Variants in CPN1 observed in about 807,000 individuals in gnomAD.
CPN1 encodes the protein carboxypeptidase N subunit 1.
CPN1 carries 37 observed loss-of-function variants against 46.4 expected under a neutral mutation model. The ratio of observed to expected loss-of-function variants is 0.80; its 90% CI spans 0.61 to 1.05. CPN1 has a LOEUF of 1.05. Ranked by LOEUF, CPN1 falls within the 50% of genes least tolerant of loss-of-function variation. The pLI, the probability that CPN1 is intolerant of heterozygous loss-of-function variation, is 0.00. For missense variants in CPN1, 563 were observed against 602.6 expected (o/e 0.93, Z 0.69); for synonymous variants, 224 against 235.4 (o/e 0.95, Z 0.44).
At chr10:100,061,792 G>A (rs145114414) in intron 5 of CPN1, among the ~76,000 whole-genome samples, 1 of 152,218 alleles carries the variant, frequency 6.6e-6, no homozygotes, top group African/African-American at 2.4e-5. Flanking sequence ...CTTTCCTAAT[G>A]CAAACTAAAG....
intron 8 of CPN1, among the ~76,000 whole-genome samples, chr10:100,043,033 G>A (rs2133421568): frequency 6.7e-6 from 1 of 149,948 alleles, no homozygotes; most frequent in East Asian, 2.0e-4. Context: ...GGTGGAGGCT[G>A]CAGTGAGCTG....
At chr10:100,078,492 GC>G (rs1216271911) in intron 1 of CPN1, among the ~76,000 whole-genome samples, 1 of 152,154 alleles carries the variant, frequency 6.6e-6, no homozygotes. Flanking sequence ...CAGCTGCCTA[GC>G]CCCTTTAAAG....
Position 100,054,456 on chromosome 10 carries a change from C to CAAGT in CPN1, c.1012-14_1012-11dup. The stretch of plus-strand genomic sequence containing the variant: ...TGATGCCCTGGTGAACCTGCAGGAA[C>CAAGT]AAGTATATAGTTATGATCATAAAAC... On this transcript the variant is annotated splice_polypyrimidine_tract_variant and intron_variant, in intron 6 of 8. Transcript: ENST00000370418. 1 of 1,599,696 alleles carries CAAGT rather than the reference C, an allele frequency of 6.3e-7. No homozygotes were observed. Among genetic ancestry groups the CAAGT allele is most frequent in the South Asian group, 1.1e-5 (1 of 90,792 alleles).
intron 1 of CPN1, among the ~76,000 whole-genome samples, chr10:100,080,686 A>G (rs559346038): frequency 2.0e-5 from 3 of 152,350 alleles, no homozygotes; most frequent in African/African-American, 7.2e-5. Context: ...TGAGCCCAGG[A>G]GTTTGAGATT....
At chr10:100,062,009 C>A (rs1589474998) in intron 5 of CPN1, among the ~76,000 whole-genome samples, 1 of 151,974 alleles carries the variant, frequency 6.6e-6, no homozygotes, top group East Asian at 1.9e-4. Context: ...CCCAGCCGTG[C>A]CTTGTATTCA....
chr10:100,063,659 G>A lies in CPN1; in HGVS notation c.826C>T (p.Pro276Ser). Residue 276 changes from proline (P) to serine (S), a missense_variant, in exon 5 of 9, where the codon CCA becomes TCA. Pro to Ser is a moderately conservative substitution (Grantham distance 74). Coordinates refer to ENST00000370418, the MANE Select transcript of CPN1 (RefSeq NM_001308.3). The part of the protein sequence containing the change: ...FQGWNCGDYF[P>S]DGITNGASWY... Reference sequence around the variant, plus strand: ...GAAGCCCCATTGGTGATGCCATCTGGGAAGTAATCTCCGCAGTTCCAACCT... The same window carrying A: ...GAAGCCCCATTGGTGATGCCATCTGAGAAGTAATCTCCGCAGTTCCAACCT... The A allele has an allele frequency of 1.2e-6, 2 of 1,614,034 alleles. No individual in the cohort carries two copies. Among genetic ancestry groups the A allele is most frequent in the Non-Finnish European group, 1.7e-6 (2 of 1,179,988 alleles).
chr10:100,076,052 G>A lies in CPN1; in HGVS notation c.279C>T (p.Arg93=), dbSNP rs140546981. 2.5e-5 allele frequency: 41 copies of A among 1,613,980 alleles called. No individual in the cohort carries two copies. Among genetic ancestry groups the A allele is most frequent in the Non-Finnish European group, 3.4e-5 (40 of 1,180,004 alleles). ...GNMHGNEALG[R]ELMLQLSEFL... is the part of the protein sequence containing the mutation. ...ACTCCGACAGCTGCAGCATCAGCTC[G>A]CGGCCCAACGCTTCGTTGCCGTGCA... The change falls in exon 2 of 9, where the codon CGC becomes CGT. Residue 93 remains arginine (R), a synonymous_variant. Transcript: ENST00000370418.
intron 5 of CPN1, among the ~76,000 whole-genome samples, chr10:100,060,216 T>C (rs2041408891): frequency 6.6e-6 from 1 of 152,194 alleles, no homozygotes; most frequent in Admixed American, 6.5e-5. Context: ...TACGGAATCA[T>C]ATGCTTAAAA....
In CPN1 at chr10:100,081,494, G is replaced by T; in HGVS notation, c.132C>A (p.Gly44=). The change falls in exon 1 of 9, where the codon GGC becomes GGA. Residue 44 remains glycine (G), a synonymous_variant. Coordinates refer to ENST00000370418, the MANE Select transcript of CPN1 (RefSeq NM_001308.3). ...GCCCAATGCTGTAGACCCGCGTGAT[G>T]CCGGGGCATTCGTTTTGCACCTTGT... ...TLYKVQNECP[G]ITRVYSIGRS... is the part of the protein sequence containing the mutation. 2 of 1,614,164 alleles carry T rather than the reference G, an allele frequency of 1.2e-6. No individual in the cohort carries two copies. Among genetic ancestry groups the T allele is most frequent in the Non-Finnish European group, 1.7e-6 (2 of 1,180,044 alleles).
rs1415813049 is a variant in CPN1, at chr10:100,068,335, T to A, written c.576+1379A>T. On this transcript the variant is annotated intron_variant, in intron 3 of 8. Transcript: ENST00000370418. ...CTCATGCCATTCTCCTGCCTCAGCC[T>A]CCCAAGTAGCTGGGACTGCAGGCGC... 3.3e-5 allele frequency among the ~76,000 whole-genome samples: 5 copies of A among 149,368 alleles called. No homozygotes were observed. In the South Asian group the frequency reaches 1.1e-3, roughly 33 times the overall value.
intron 7 of CPN1, 25 bp from the exon 8 acceptor site, chr10:100,048,901 A>C: frequency 3.7e-5 from 57 of 1,536,352 alleles, no homozygotes; most frequent in Non-Finnish European, 4.7e-5. Context: ...GATATAACTC[A>C]GTCTACTGAT....
rs770920497 is a variant in CPN1, at chr10:100,075,966, C to G, written c.365G>C (p.Arg122Pro). The G allele has an allele frequency of 1.3e-5, 21 of 1,613,986 alleles. No homozygotes were observed. The highest frequency in any genetic ancestry group is 5.3e-5 in the African/African-American group (4 of 74,916). Residue 122 changes from arginine (R) to proline (P), a missense_variant, in exon 2 of 9, where the codon CGC becomes CCC. Arg to Pro is a moderately radical substitution (Grantham distance 103). Transcript: ENST00000370418. ...QRIVQLIQDT[R>P]IHILPSMNPD... ...GTTCATGGATGGCAGGATGTGAATG[C>G]GCGTGTCCTGGATGAGCTGGACGAT...
chr10:100,047,701 A>T (rs2041323331), intron 8 of CPN1, among the ~76,000 whole-genome samples: 3 of 152,098 alleles, frequency 2.0e-5, no homozygotes, highest in African/African-American at 7.2e-5. Flanking sequence ...AAAAGAAAAA[A>T]CAGGCCGGGC....
At position 100,064,806 on chromosome 10, in the gene CPN1, C is replaced by T. The variant is rs147753486; in HGVS notation, c.759+382G>A. Among the ~76,000 whole-genome samples the T allele has an allele frequency of 3.9e-3, 592 of 151,456 alleles. 5 individuals are homozygous for T. Among genetic ancestry groups the T allele is most frequent in the Non-Finnish European group, 5.2e-3 (354 of 67,924 alleles). The stretch of plus-strand genomic sequence containing the variant: ...CTATTTTTCTTTTTTTCTTTAAGGC[C>T]CCACCTAATACTATCACAGTCTATT... On this transcript the variant is annotated intron_variant, in intron 4 of 8. Transcript: ENST00000370418.
chr10:100,048,689 A>G (rs1215412673), intron 8 of CPN1, 69 bp downstream of exon 8: 6 of 1,119,086 alleles, frequency 5.4e-6, no homozygotes, highest in Non-Finnish European at 8.2e-6. Flanking sequence ...ACAGAGCAGG[A>G]CACTGTCCTC....
At chr10:100,062,092 C>T (rs759551339) in intron 5 of CPN1, among the ~76,000 whole-genome samples, 20 of 152,216 alleles carry the variant, frequency 1.3e-4, no homozygotes, top group Non-Finnish European at 2.5e-4. Context: ...CTACTCTCCA[C>T]AGGACCAGCC....
chr10:100,080,224 G>A (rs2041536674), intron 1 of CPN1, among the ~76,000 whole-genome samples: 7 of 152,064 alleles, frequency 4.6e-5, no homozygotes, highest in South Asian at 4.1e-4. Flanking sequence ...GTTTGAAGGA[G>A]GAACTGGTAA....
At chr10:100,052,542 T>G (rs1031205948) in intron 7 of CPN1, among the ~76,000 whole-genome samples, 1 of 151,946 alleles carries the variant, frequency 6.6e-6, no homozygotes, top group African/African-American at 2.4e-5. Flanking sequence ...CTGGAATGTT[T>G]TACAGACATT....
At chr10:100,051,046 T>C (rs2041349868) in intron 7 of CPN1, among the ~76,000 whole-genome samples, 1 of 152,194 alleles carries the variant, frequency 6.6e-6, no homozygotes, top group African/African-American at 2.4e-5. Context: ...AAATTTCTTT[T>C]ATCATCTTCA....
Sources: allele counts gnomAD v4.1 joint callset (sites outside exome capture counted in the v4.1 genomes callset), GRCh38; gene constraint gnomAD v4.1.1; transcripts MANE v1.5; gene names NCBI Gene and HGNC (gene_info 2026-07-23, HGNC 2026-07-21).